The following TSPEAR variants were observed in gnomAD, a reference collection of about 807,000 sequenced individuals.
TSPEAR encodes thrombospondin-type laminin G domain and EAR repeat-containing protein.
Under a neutral mutation model 71.6 loss-of-function variants are expected in TSPEAR, and 69 were observed. The observed-to-expected ratio is 0.96, with a 90% CI of 0.79 to 1.18. The LOEUF (loss-of-function observed/expected upper bound fraction) is 1.18, where lower values mean the gene tolerates loss of function less well. TSPEAR is among the 50% of genes most tolerant of loss of function. The pLI, the probability that TSPEAR is intolerant of heterozygous loss-of-function variation, is 0.00. For synonymous variants in TSPEAR, 402 were observed against 387.2 expected (o/e 1.04, Z -0.45); for missense variants, 971 against 894.9 (o/e 1.09, Z -1.09).
intron 2 of TSPEAR, among the ~76,000 whole-genome samples, chr21:44,555,415 C>A (rs587651542): frequency 2.1e-4 from 32 of 152,292 alleles, no homozygotes; most frequent in Middle Eastern, 3.4e-3. Flanking sequence ...TGGGGACTCC[C>A]GCACTAGCAG....
At chr21:44,603,797 G>A (rs587600857) in intron 1 of TSPEAR, among the ~76,000 whole-genome samples, 49 of 152,302 alleles carry the variant, frequency 3.2e-4, no homozygotes, top group African/African-American at 1.0e-3. Context: ...AATGCCTACC[G>A]CCATCCCTGG....
chr21:44,709,409 G>A (rs1555953151), intron 1 of TSPEAR, among the ~76,000 whole-genome samples: 2 of 152,218 alleles, frequency 1.3e-5, no homozygotes, highest in Admixed American at 1.3e-4. Flanking sequence ...GGAGCCGCCT[G>A]AAAATCCCAG....
At chr21:44,502,713 G>A (rs917788253) in intron 11 of TSPEAR, among the ~76,000 whole-genome samples, 7 of 152,276 alleles carry the variant, frequency 4.6e-5, no homozygotes, top group African/African-American at 1.2e-4. Flanking sequence ...AGCCAGCGCC[G>A]GGCCATCCAC....
At chr21:44,641,794 C>A (rs1323984939) in intron 1 of TSPEAR, among the ~76,000 whole-genome samples, 1 of 152,174 alleles carries the variant, frequency 6.6e-6, no homozygotes, top group Non-Finnish European at 1.5e-5. Flanking sequence ...CCAGCCTCTA[C>A]CAAGGTGGAG....
intron 11 of TSPEAR, among the ~76,000 whole-genome samples, chr21:44,503,809 C>CG (rs1555911497): frequency 3.9e-5 from 5 of 127,966 alleles, no homozygotes; most frequent in Non-Finnish European, 7.9e-5. Flanking sequence ...GGTGAGCCCT[C>CG]GGGGGGAAGC....
intron 2 of TSPEAR, among the ~76,000 whole-genome samples, chr21:44,542,765 GAAAAGAA>G (rs1230373991): frequency 7.2e-6 from 1 of 138,346 alleles, no homozygotes; most frequent in African/African-American, 2.7e-5. Context: ...AAAAGAAAAA[GAAAAGAA>G]AAAAGAAAAA....
chr21:44,515,483 G>C (rs1179219125), intron 9 of TSPEAR: 2 of 149,244 alleles, frequency 1.3e-5, no homozygotes, highest in Non-Finnish European at 3.0e-5. Context: ...GCTCTTCTCT[G>C]ATGTTTCTTT....
At chr21:44,600,598 A>ATC in intron 1 of TSPEAR, 10 of 1,602,910 alleles carry the variant, frequency 6.2e-6, no homozygotes, top group Non-Finnish European at 8.5e-6. Context: ...ACTCACTCCC[A>ATC]TCTCCTCCAG....
chr21:44,703,752 C>T (rs929175557), intron 1 of TSPEAR, among the ~76,000 whole-genome samples: 4 of 152,160 alleles, frequency 2.6e-5, no homozygotes, highest in Non-Finnish European at 5.9e-5. Flanking sequence ...ATCTGGGGCC[C>T]AAGCTGGCCA....
At chr21:44,555,265 A>T (rs979739737) in intron 2 of TSPEAR, among the ~76,000 whole-genome samples, 7 of 152,240 alleles carry the variant, frequency 4.6e-5, no homozygotes, top group Admixed American at 1.3e-4. Flanking sequence ...TAAAATAAAA[A>T]CCGAAATAAG....
chr21:44,504,408 GA>G (rs1263084875), intron 11 of TSPEAR, among the ~76,000 whole-genome samples: 1 of 147,766 alleles, frequency 6.8e-6, no homozygotes, highest in Non-Finnish European at 1.5e-5. Flanking sequence ...GCCCTCGGGG[GA>G]AGCAAGGCTC....
In TSPEAR at chr21:44,695,504, G is replaced by T. The variant is rs1434081601; in HGVS notation, c.82+15929C>A. ...CCAACCTGGCTCACACTCCCTCAGGGTTGCAATGACCTCCGATCCCAAGAC... is the reference window on the plus strand; with the variant it reads ...CCAACCTGGCTCACACTCCCTCAGGTTTGCAATGACCTCCGATCCCAAGAC... On this transcript the variant is annotated intron_variant, in intron 1 of 11. Coordinates refer to ENST00000323084, the MANE Select transcript of TSPEAR (RefSeq NM_144991.3). The surrounding 1 kb of genome is among the most constrained non-coding windows in gnomAD (Gnocchi z 4.5). 2.0e-5 allele frequency among the ~76,000 whole-genome samples: 3 copies of T among 152,140 alleles called. No individual in the cohort carries two copies.
chr21:44,645,579 C>T (rs1555939370), intron 1 of TSPEAR, among the ~76,000 whole-genome samples: 7 of 152,000 alleles, frequency 4.6e-5, no homozygotes, highest in Non-Finnish European at 2.9e-5. Flanking sequence ...GTCTCAAACT[C>T]CTGACCTCGT....
intron 1 of TSPEAR, among the ~76,000 whole-genome samples, chr21:44,688,213 G>C (rs896337358): frequency 6.6e-6 from 1 of 151,786 alleles, no homozygotes; most frequent in African/African-American, 2.4e-5. Flanking sequence ...AGAGAATTGG[G>C]GTACCCAGCA....
At chr21:44,525,294 GTCA>G (rs1266719523) in intron 8 of TSPEAR, among the ~76,000 whole-genome samples, 1 of 152,094 alleles carries the variant, frequency 6.6e-6, no homozygotes, top group Non-Finnish European at 1.5e-5. Context: ...TAGTCAATCA[GTCA>G]TCAGGCAGTC....
chr21:44,527,672 A>G (rs957538769), intron 6 of TSPEAR, among the ~76,000 whole-genome samples, 154 bp from the exon 7 acceptor site: 5 of 152,236 alleles, frequency 3.3e-5, no homozygotes, highest in African/African-American at 1.2e-4. Flanking sequence ...CTCTCACAGG[A>G]AAGGCCTGTC....
intron 1 of TSPEAR, chr21:44,600,619 A>G (rs1555928341): frequency 6.2e-7 from 1 of 1,611,444 alleles, no homozygotes; most frequent in African/African-American, 1.3e-5. Flanking sequence ...TTCAATCCCC[A>G]GCATGGCTGC....
chr21:44,617,387 G>T (rs990030186), intron 1 of TSPEAR, among the ~76,000 whole-genome samples: 1 of 152,332 alleles, frequency 6.6e-6, no homozygotes, highest in East Asian at 1.9e-4. Flanking sequence ...ACAGACACAC[G>T]GCCTCTGGAA....
chr21:44,567,477 T>C (rs941983588), intron 2 of TSPEAR, among the ~76,000 whole-genome samples: 1 of 152,124 alleles, frequency 6.6e-6, no homozygotes, highest in Non-Finnish European at 1.5e-5. Context: ...CTACAAAGTG[T>C]CCCTTTTTAG....
Sources: gnomAD v4.1 joint callset for allele counts (sites outside exome capture counted in the v4.1 genomes callset) on GRCh38, gnomAD v4.1.1 for gene constraint, Gnocchi (gnomAD v3.1) non-coding constraint, MANE v1.5 for transcripts, NCBI Gene and HGNC (gene_info 2026-07-23, HGNC 2026-07-21) for gene names.